The following DLG2 variants were observed in gnomAD, a reference collection of about 807,000 sequenced individuals.
The protein encoded by DLG2 is discs large MAGUK scaffold protein 2, also known as disks large homolog 2.
In DLG2, 45 loss-of-function variants were observed where a neutral mutation model predicts 132.5. The observed-to-expected ratio is 0.34, with a 90% CI of 0.27 to 0.44. DLG2 has a LOEUF of 0.44. Ranked by LOEUF, DLG2 falls within the 20% of genes least tolerant of loss-of-function variation. The probability of loss-of-function intolerance (pLI) is 1.00; values close to 1 mark genes in which losing one functional copy is unlikely to be tolerated. For missense variants in DLG2, 1,045 were observed against 1,196.9 expected (o/e 0.87, Z 1.87); for synonymous variants, 424 against 419.6 (o/e 1.01, Z -0.13).
chr11:84,526,558 C>T (rs2099321119), intron 7 of DLG2, among the ~76,000 whole-genome samples: 1 of 152,044 alleles, frequency 6.6e-6, no homozygotes, highest in African/African-American at 2.4e-5. Flanking sequence ...GGTGAGTACA[C>T]TACAAGATAT....
chr11:85,027,501 G>A lies in DLG2; in HGVS notation c.357+84160C>T, dbSNP rs147875398. Among the ~76,000 whole-genome samples, 833 of 152,220 alleles carry A rather than the reference G, an allele frequency of 5.5e-3. 5 individuals carry two copies. The highest frequency in any genetic ancestry group is 0.018 in the African/African-American group (753 of 41,530). ...CCACCCACTTGGCCTGGCAGGCTGC[G>A]CTTGGCTCACACTACTGGCCTCGAT... On this transcript the variant is annotated intron_variant, in intron 6 of 27. Transcript: ENST00000376104.
intron 3 of DLG2, among the ~76,000 whole-genome samples, chr11:85,468,328 C>T (rs2092869986): frequency 1.3e-5 from 2 of 152,074 alleles, no homozygotes; most frequent in East Asian, 1.9e-4. Flanking sequence ...CTGCTCTGAT[C>T]TTAGTTATTT....
rs533669619 is a variant in DLG2, at chr11:84,376,243, C to A, written c.520-124952G>T. Reference sequence around the variant, plus strand: ...CTTAAAAACACAAATCACTATTTGACAAATGTCTTATTACCCATATTAGTT... The same window carrying A: ...CTTAAAAACACAAATCACTATTTGAAAAATGTCTTATTACCCATATTAGTT... On this transcript the variant is annotated intron_variant, in intron 7 of 27. Coordinates refer to ENST00000376104, the MANE Select transcript of DLG2 (RefSeq NM_001142699.3). 1.3e-3 allele frequency among the ~76,000 whole-genome samples: 193 copies of A among 151,936 alleles called. 1 individual carries two copies. The highest frequency in any genetic ancestry group is 4.4e-3 in the African/African-American group (184 of 41,518).
intron 6 of DLG2, among the ~76,000 whole-genome samples, chr11:84,705,644 C>A (rs1225251083): frequency 5.3e-5 from 8 of 151,674 alleles, no homozygotes; most frequent in Admixed American, 4.6e-4. Context: ...ACTTATCAAC[C>A]AACTTCTAGG....
intron 6 of DLG2, among the ~76,000 whole-genome samples, chr11:84,974,212 T>G (rs1014312562): frequency 6.6e-6 from 1 of 152,206 alleles, no homozygotes; most frequent in African/African-American, 2.4e-5. Flanking sequence ...TATCCTTGTA[T>G]AGGTGTTCCT....
At chr11:84,729,661 C>T (rs897697089) in intron 6 of DLG2, among the ~76,000 whole-genome samples, 6 of 152,060 alleles carry the variant, frequency 3.9e-5, no homozygotes, top group African/African-American at 1.4e-4. Flanking sequence ...GTAGTGACTG[C>T]TTGGCCTTTA....
At chr11:84,154,558 TTACATATGTA>T (rs1362574692) in intron 9 of DLG2, among the ~76,000 whole-genome samples, 1 of 152,178 alleles carries the variant, frequency 6.6e-6, no homozygotes, top group East Asian at 1.9e-4. Context: ...TGCAGGTTTG[TTACATATGTA>T]TACATGTGCT....
intron 3 of DLG2, among the ~76,000 whole-genome samples, chr11:85,499,839 C>CA (rs2093755615): frequency 6.6e-6 from 1 of 152,052 alleles, no homozygotes. Context: ...GAACCAAGAA[C>CA]AAAAAACACA....
intron 14 of DLG2, among the ~76,000 whole-genome samples, chr11:83,944,698 C>T (rs1029437012): frequency 2.1e-4 from 32 of 152,332 alleles, no homozygotes; most frequent in African/African-American, 6.7e-4. Flanking sequence ...TAGGACAATA[C>T]ATTCCAATCA....
Position 85,516,985 on chromosome 11 carries a change from A to G in DLG2, c.40+81672T>C, listed in dbSNP as rs138324113. On this transcript the variant is annotated intron_variant, in intron 3 of 27. Transcript: ENST00000376104. ...AACATAACAAAAAAAAGGAAAAACT[A>G]CAGACCAGTATCCCTGATGAAAATA... Among the ~76,000 whole-genome samples the G allele has an allele frequency of 1.8e-3, 273 of 152,168 alleles. 1 individual carries two copies. The highest frequency in any genetic ancestry group is 6.3e-3 in the African/African-American group (263 of 41,542).
At chr11:84,394,091 G>T (rs575628095) in intron 7 of DLG2, among the ~76,000 whole-genome samples, 2 of 152,072 alleles carry the variant, frequency 1.3e-5, no homozygotes, top group Admixed American at 1.3e-4. Context: ...TGGCCAGGCT[G>T]GTCTCGAACT....
At chr11:85,332,525 AATGCCAGAGCTG>A (rs2081836060) in intron 3 of DLG2, among the ~76,000 whole-genome samples, 1 of 151,998 alleles carries the variant, frequency 6.6e-6, no homozygotes, top group Non-Finnish European at 1.5e-5. Context: ...TTCATCATGA[AATGCCAGAGCTG>A]ATGCCAGAAT....
intron 5 of DLG2, among the ~76,000 whole-genome samples, chr11:85,124,794 A>G (rs1247786025): frequency 6.6e-6 from 1 of 152,076 alleles, no homozygotes; most frequent in Non-Finnish European, 1.5e-5. Context: ...GTACATCATG[A>G]AAGATTTATA....
intron 3 of DLG2, among the ~76,000 whole-genome samples, chr11:85,445,303 T>C (rs896318041): frequency 6.6e-6 from 1 of 152,066 alleles, no homozygotes; most frequent in Non-Finnish European, 1.5e-5. Context: ...GGGTTTAGAC[T>C]CTCCCATCTC....
In DLG2 at chr11:85,373,950, G is replaced by A. The variant is rs115347399; in HGVS notation, c.41-88585C>T. On this transcript the variant is annotated intron_variant, in intron 3 of 27. Transcript: ENST00000376104. ...TGGATCAGTGGAGGATATTATGATA[G>A]CCACTTTTCATGTAACACGTCACTC... Among the ~76,000 whole-genome samples the A allele has an allele frequency of 2.3e-3, 357 of 152,250 alleles. 1 individual carries two copies. The highest frequency in any genetic ancestry group is 8.2e-3 in the African/African-American group (340 of 41,538).
intron 6 of DLG2, among the ~76,000 whole-genome samples, chr11:84,829,456 T>C (rs1347340905): frequency 6.6e-6 from 1 of 151,724 alleles, no homozygotes; most frequent in Non-Finnish European, 1.5e-5. Flanking sequence ...ATTACAACTC[T>C]GGATAAACTG....
intron 6 of DLG2, among the ~76,000 whole-genome samples, chr11:84,646,102 G>A (rs1034889206): frequency 2.0e-5 from 3 of 152,208 alleles, no homozygotes; most frequent in Admixed American, 6.5e-5. Flanking sequence ...AAGCAAAGCT[G>A]TGGGCTCTTA....
chr11:84,443,176 A>C (rs2099022669), intron 7 of DLG2, among the ~76,000 whole-genome samples: 1 of 152,118 alleles, frequency 6.6e-6, no homozygotes. Context: ...CTCTTCTTTC[A>C]TATGTTTAAT....
At chr11:84,095,833 A>T (rs2097158202) in intron 10 of DLG2, among the ~76,000 whole-genome samples, 1 of 152,208 alleles carries the variant, frequency 6.6e-6, no homozygotes, top group African/African-American at 2.4e-5. Flanking sequence ...TGCTCTAGTT[A>T]GAAGCACTGT....
Sources: allele counts gnomAD v4.1 joint callset (sites outside exome capture counted in the v4.1 genomes callset), GRCh38; gene constraint gnomAD v4.1.1; transcripts MANE v1.5; gene names NCBI Gene and HGNC (gene_info 2026-07-23, HGNC 2026-07-21).